EXTL3: variants seen among roughly 807,000 people sequenced by gnomAD.
The protein encoded by EXTL3 is exostosin like glycosyltransferase 3, also known as exostosin-like 3.
In EXTL3, 27 loss-of-function variants were observed where a neutral mutation model predicts 69.3. That is an observed-to-expected ratio of 0.39 (90% confidence interval 0.29 to 0.54). The LOEUF (loss-of-function observed/expected upper bound fraction) is 0.54. Ranked by LOEUF, EXTL3 falls within the 20% of genes least tolerant of loss-of-function variation. The pLI, the probability that EXTL3 is intolerant of heterozygous loss-of-function variation, is 0.69. For synonymous variants in EXTL3, 511 were observed against 499.4 expected (o/e 1.02, Z -0.31); for missense variants, 1,003 against 1,231.8 (o/e 0.81, Z 2.78).
At chr8:28,622,249 G>A (rs1008912368), upstream of EXTL3, among the ~76,000 whole-genome samples, 12 of 152,240 alleles carry the variant, frequency 7.9e-5, no homozygotes, top group African/African-American at 2.4e-4. Context: ...TAAGCGGGAG[G>A]TAGCCCCGCA....
chr8:28,651,866 A>G (rs1044313613), intron 1 of EXTL3, among the ~76,000 whole-genome samples: 1 of 152,174 alleles, frequency 6.6e-6, no homozygotes, highest in African/African-American at 2.4e-5. Context: ...GGCAACTACC[A>G]TTAGACTTCT....
In EXTL3 at chr8:28,716,258, C is replaced by T. The variant is rs748933869; in HGVS notation, c.199C>T (p.Pro67Ser). The T allele has an allele frequency of 1.9e-6, 3 of 1,614,168 alleles. No homozygotes were observed. Among genetic ancestry groups the T allele is most frequent in the Non-Finnish European group, 2.5e-6 (3 of 1,180,038 alleles). The change falls in exon 3 of 7, where the codon CCC (proline) becomes TCC (serine). Residue 67 changes from proline to serine, a missense_variant. Pro to Ser is a moderately conservative substitution (Grantham distance 74). Coordinates refer to ENST00000220562, the MANE Select transcript of EXTL3 (RefSeq NM_001440.4). The surrounding 1 kb of genome is among the most constrained non-coding windows in gnomAD (Gnocchi z 7.1). ...ADEAGKRIFG[P>S]RVGNELCEVK... ...TGAGGCAGGCAAGCGGATTTTTGGT[C>T]CCCGGGTGGGGAACGAGCTGTGCGA... is the stretch of plus-strand genomic sequence containing the variant.
intron 1 of EXTL3, among the ~76,000 whole-genome samples, chr8:28,660,651 C>T (rs79288600): frequency 0.026 from 3,935 of 152,182 alleles, 79 homozygotes; most frequent in Non-Finnish European, 0.044. Flanking sequence ...TTCTCTAGAA[C>T]TCTTTTCATC....
At chr8:28,652,493 C>CA (rs1056719191) in intron 1 of EXTL3, among the ~76,000 whole-genome samples, 2,027 of 145,032 alleles carry the variant, frequency 0.014, 55 homozygotes, top group African/African-American at 0.047. Context: ...CCCATAGCTA[C>CA]AAAAAAAAAA....
At chr8:28,668,974 C>A (rs967533306) in intron 1 of EXTL3, among the ~76,000 whole-genome samples, 1 of 146,690 alleles carries the variant, frequency 6.8e-6, no homozygotes, top group African/African-American at 2.5e-5. Context: ...AGCAATTCTC[C>A]TGCCTCAGCC....
At chr8:28,618,566 A>T (rs1184671032), upstream of EXTL3, among the ~76,000 whole-genome samples, 2 of 152,158 alleles carry the variant, frequency 1.3e-5, no homozygotes, top group African/African-American at 2.4e-5. Context: ...GGCACGAAAG[A>T]GGTTGAACCT....
chr8:28,749,587 G>T (rs60659059), intron 6 of EXTL3, among the ~76,000 whole-genome samples: 2,218 of 152,258 alleles, frequency 0.015, 45 homozygotes, highest in African/African-American at 0.051. Flanking sequence ...TGGCTATCTT[G>T]CAGGATTTGC....
chr8:28,756,262 T>A (rs1802120306), downstream of EXTL3, among the ~76,000 whole-genome samples: 1 of 152,196 alleles, frequency 6.6e-6, no homozygotes, highest in Admixed American at 6.5e-5. Context: ...CCCCACGTCC[T>A]CCATCCTCAG....
At chr8:28,656,757 C>T (rs766892267) in intron 1 of EXTL3, among the ~76,000 whole-genome samples, 6 of 152,098 alleles carry the variant, frequency 3.9e-5, no homozygotes, top group South Asian at 2.1e-4. Flanking sequence ...ATGCCTAAAA[C>T]CTCCTCAAAT....
chr8:28,657,056 C>A (rs1165993246), intron 1 of EXTL3, among the ~76,000 whole-genome samples: 1 of 152,046 alleles, frequency 6.6e-6, no homozygotes, highest in African/African-American at 2.4e-5. Flanking sequence ...CTCAGCCTCC[C>A]AAGTAGGTGG....
intron 1 of EXTL3, among the ~76,000 whole-genome samples, chr8:28,639,430 C>A (rs1353913804): frequency 6.6e-6 from 1 of 152,228 alleles, no homozygotes; most frequent in Non-Finnish European, 1.5e-5. Flanking sequence ...CCCGTCACAG[C>A]TGGGACCATC....
intron 2 of EXTL3, among the ~76,000 whole-genome samples, chr8:28,614,882 A>G (rs1000237681): frequency 1.3e-5 from 2 of 152,266 alleles, no homozygotes; most frequent in African/African-American, 4.8e-5. Flanking sequence ...AATGTGTGCC[A>G]TGGTGGTTTG....
chr8:28,706,279 G>T (rs1201990522), intron 1 of EXTL3, among the ~76,000 whole-genome samples: 1 of 151,956 alleles, frequency 6.6e-6, no homozygotes. Context: ...AATTTTGAAG[G>T]TTTTTTTCTT....
intron 1 of EXTL3, among the ~76,000 whole-genome samples, chr8:28,687,997 A>G (rs1052648389): frequency 6.6e-6 from 1 of 151,842 alleles, no homozygotes; most frequent in Non-Finnish European, 1.5e-5. Flanking sequence ...GAGCAGTTTC[A>G]GTAAATTGAC....
chr8:28,743,322 A>G (rs1265195601), intron 6 of EXTL3, 108 bp downstream of exon 6: 3 of 1,254,640 alleles, frequency 2.4e-6, no homozygotes, highest in Non-Finnish European at 3.5e-6. Context: ...TCATTTGTAC[A>G]ATAGGGATGA....
chr8:28,626,060 T>C (rs1299445049), intron 1 of EXTL3, among the ~76,000 whole-genome samples: 2 of 137,616 alleles, frequency 1.5e-5, no homozygotes, highest in Non-Finnish European at 3.1e-5. Flanking sequence ...TTGTCTCAGC[T>C]ACTTGGGAGG....
chr8:28,624,495 A>G (rs1317868559), intron 1 of EXTL3, among the ~76,000 whole-genome samples: 5 of 152,318 alleles, frequency 3.3e-5, no homozygotes, highest in Admixed American at 3.3e-4. Context: ...CCTGGGAGGC[A>G]GAGGTTGCAG....
At chr8:28,718,548 T>C (rs1328304074) in intron 3 of EXTL3, among the ~76,000 whole-genome samples, 1 of 152,254 alleles carries the variant, frequency 6.6e-6, no homozygotes, top group East Asian at 1.9e-4. Flanking sequence ...AGGAAGCACT[T>C]AGCCTCTAGG....
upstream of EXTL3, among the ~76,000 whole-genome samples, chr8:28,619,490 A>G (rs985314210): frequency 6.6e-6 from 1 of 151,538 alleles, no homozygotes; most frequent in Non-Finnish European, 1.5e-5. Flanking sequence ...GCCATTCCCC[A>G]CCCCTGCTGC....
Sources: gnomAD v4.1 joint callset for allele counts (sites outside exome capture counted in the v4.1 genomes callset) on GRCh38, gnomAD v4.1.1 for gene constraint, Gnocchi (gnomAD v3.1) non-coding constraint, MANE v1.5 for transcripts, NCBI Gene and HGNC (gene_info 2026-07-23, HGNC 2026-07-21) for gene names.